The following CUX2 variants were observed in gnomAD, a reference collection of about 807,000 sequenced individuals.
The protein encoded by CUX2 is homeobox protein cut-like 2.
A neutral mutation model predicts 144.8 loss-of-function variants in CUX2; 40 were observed. The ratio of observed to expected loss-of-function variants is 0.28; its 90% confidence interval spans 0.21 to 0.36. The LOEUF is 0.36. Among genes scored for constraint, CUX2 ranks in the 10% least tolerant of loss-of-function variants. The pLI is 1.00. For missense variants in CUX2, 1,615 were observed against 1,994.0 expected (o/e 0.81, Z 3.62); for synonymous variants, 827 against 875.6 (o/e 0.94, Z 0.98).
chr12:111,056,553 C>T (rs75550352), intron 1 of CUX2, among the ~76,000 whole-genome samples: 2 of 152,124 alleles, frequency 1.3e-5, no homozygotes, highest in South Asian at 2.1e-4. Flanking sequence ...GGCTGGGTTC[C>T]GAGAGGCAAC....
At chr12:111,085,651 G>A (rs1271328809) in intron 1 of CUX2, among the ~76,000 whole-genome samples, 1 of 152,232 alleles carries the variant, frequency 6.6e-6, no homozygotes, top group Non-Finnish European at 1.5e-5. Flanking sequence ...TTTGGTTCCT[G>A]TCTCCCCTAG....
chr12:111,280,244 G>A (rs569758003), intron 4 of CUX2, among the ~76,000 whole-genome samples: 9 of 152,286 alleles, frequency 5.9e-5, no homozygotes, highest in South Asian at 2.1e-4. Context: ...AGCCAAGATC[G>A]CGCTACCCTA....
intron 1 of CUX2, among the ~76,000 whole-genome samples, chr12:111,054,405 G>A (rs990361430): frequency 6.6e-6 from 1 of 152,220 alleles, no homozygotes; most frequent in African/African-American, 2.4e-5. Flanking sequence ...GTGTGGAGGT[G>A]ACTCTGCCTT....
chr12:111,112,777 T>C (rs531043334), intron 1 of CUX2, among the ~76,000 whole-genome samples: 18 of 152,238 alleles, frequency 1.2e-4, no homozygotes, highest in African/African-American at 3.8e-4. Flanking sequence ...TGGACAAATG[T>C]CCCTTGCTTC....
chr12:111,067,926 C>T (rs1406474746), intron 1 of CUX2, among the ~76,000 whole-genome samples: 1 of 152,154 alleles, frequency 6.6e-6, no homozygotes, highest in Non-Finnish European at 1.5e-5. Flanking sequence ...TAAGGTCCCG[C>T]GCAGAGCTTC....
intron 3 of CUX2, among the ~76,000 whole-genome samples, chr12:111,257,736 CCT>C (rs1411409077): frequency 6.8e-6 from 1 of 146,248 alleles, no homozygotes; most frequent in African/African-American, 2.5e-5. Flanking sequence ...TCCTCTTCCT[CCT>C]CTTTCTTCTC....
Position 111,340,844 on chromosome 12 carries a change from T to G in CUX2, c.3386-936T>G, listed in dbSNP as rs140273658. On this transcript the variant is annotated intron_variant, in intron 20 of 21. Coordinates refer to ENST00000261726, the MANE Select transcript of CUX2 (RefSeq NM_015267.4). ...TTCCACAAGTTACTTCCTCCTTCCT[T>G]TGTTCTCCTCTGCCTTTACCTCTTT... Among the ~76,000 whole-genome samples, 882 of 152,310 alleles carry G rather than the reference T, an allele frequency of 5.8e-3. 11 individuals are homozygous for G. Among genetic ancestry groups the G allele is most frequent in the African/African-American group, 0.02 (842 of 41,566 alleles).
chr12:111,044,622 G>C (rs1008717430), intron 1 of CUX2, among the ~76,000 whole-genome samples: 9 of 152,184 alleles, frequency 5.9e-5, no homozygotes, highest in Non-Finnish European at 1.0e-4. Flanking sequence ...CACCTGATGT[G>C]ATAATATTTA....
intron 1 of CUX2, among the ~76,000 whole-genome samples, chr12:111,208,950 T>G (rs1004782534): frequency 6.6e-6 from 1 of 152,220 alleles, no homozygotes; most frequent in Non-Finnish European, 1.5e-5. Context: ...AAAGTGTCCT[T>G]TTTAAATACA....
chr12:111,189,138 G>A (rs938241101), intron 1 of CUX2, among the ~76,000 whole-genome samples: 1 of 152,122 alleles, frequency 6.6e-6, no homozygotes, highest in African/African-American at 2.4e-5. Context: ...CAAGTGTGGT[G>A]GTGTGCGCCT....
chr12:111,132,118 C>T (rs916984857), intron 1 of CUX2, among the ~76,000 whole-genome samples: 4 of 152,228 alleles, frequency 2.6e-5, no homozygotes, highest in Non-Finnish European at 5.9e-5. Context: ...TCTGAAATCT[C>T]GATGGAAGTT....
chr12:111,307,252 G>A lies in CUX2; in HGVS notation c.1104G>A (p.Glu368=), dbSNP rs779428615. The change falls in exon 12 of 22, where the codon GAG becomes GAA. Residue 368 remains glutamate (E), a synonymous_variant. Transcript: ENST00000261726. This position sits in a 1 kb window ranked among gnomAD's most constrained non-coding sequence, Gnocchi z 4.1. The part of the protein sequence containing the change: ...AQSDYEEIKT[E]LSILKAMKLA... Reference sequence around the variant, plus strand: ...CTGACTATGAGGAAATTAAAACGGAGCTGAGGTACCATGTGGGGTGGGGCT... The same window carrying A: ...CTGACTATGAGGAAATTAAAACGGAACTGAGGTACCATGTGGGGTGGGGCT... 1.9e-6 allele frequency: 3 copies of A among 1,614,088 alleles called. No homozygotes were observed. The highest frequency in any genetic ancestry group is 2.5e-6 in the Non-Finnish European group (3 of 1,180,008).
intron 1 of CUX2, among the ~76,000 whole-genome samples, chr12:111,060,842 G>A (rs1456947344): frequency 6.6e-6 from 1 of 152,172 alleles, no homozygotes; most frequent in East Asian, 1.9e-4. Context: ...GGTCACCCTC[G>A]GGAAGCAGAA....
At chr12:111,169,494 A>C (rs1878378649) in intron 1 of CUX2, among the ~76,000 whole-genome samples, 2 of 152,226 alleles carry the variant, frequency 1.3e-5, no homozygotes, top group South Asian at 2.1e-4. Flanking sequence ...TACTCGTTTT[A>C]TTCAAAGATA....
chr12:111,217,856 A>C, intron 2 of CUX2, 34 bp from the exon 3 acceptor site: 1 of 1,613,480 alleles, frequency 6.2e-7, no homozygotes, highest in Non-Finnish European at 8.5e-7. Context: ...CCCACCTGGC[A>C]CTGTAGTGAA....
At chr12:111,333,749 G>A (rs1005758840) in intron 18 of CUX2, among the ~76,000 whole-genome samples, 2 of 152,124 alleles carry the variant, frequency 1.3e-5, no homozygotes, top group Non-Finnish European at 2.9e-5. Context: ...ATCCCAGCTA[G>A]TCAGGAGGCT....
intron 1 of CUX2, among the ~76,000 whole-genome samples, chr12:111,162,563 G>A (rs542237225): frequency 1.3e-5 from 2 of 152,342 alleles, no homozygotes; most frequent in African/African-American, 2.4e-5. Context: ...CTCCATCACA[G>A]CGATGATGGG....
At chr12:111,133,266 A>G (rs780058844) in intron 1 of CUX2, among the ~76,000 whole-genome samples, 4 of 152,122 alleles carry the variant, frequency 2.6e-5, no homozygotes, top group Non-Finnish European at 5.9e-5. Context: ...GTGTCTTTTC[A>G]GCAACACCCC....
In CUX2 at chr12:111,304,149, G is replaced by A; in HGVS notation, c.754-61G>A. On this transcript the variant is annotated intron_variant, in intron 9 of 21. Coordinates refer to ENST00000261726, the MANE Select transcript of CUX2 (RefSeq NM_015267.4). The surrounding 1 kb of genome is among the most constrained non-coding windows in gnomAD (Gnocchi z 4.7). ...CCCAACCCCTGCCTGAAACAGTGCA[G>A]GGAGAAGGTGGAAGTGCAGAGTGGG... The A allele has an allele frequency of 7.2e-7, 1 of 1,381,496 alleles. No individual in the cohort carries two copies. The highest frequency in any genetic ancestry group is 1.0e-6 in the Non-Finnish European group (1 of 986,902). 85.6% of individuals were successfully genotyped at this position (1,381,496 alleles called of 1,614,324 possible).
Sources: allele counts gnomAD v4.1 joint callset (sites outside exome capture counted in the v4.1 genomes callset), GRCh38; gene constraint gnomAD v4.1.1; non-coding constraint Gnocchi (gnomAD v3.1); transcripts MANE v1.5; gene names NCBI Gene and HGNC (gene_info 2026-07-23, HGNC 2026-07-21).